MAML2: variants seen among roughly 807,000 people sequenced by gnomAD.
MAML2 encodes the protein mastermind like transcriptional coactivator 2, also known as mastermind-like protein 2.
Under a neutral mutation model 96.1 loss-of-function variants are expected in MAML2, and 22 were observed. That is an observed-to-expected ratio of 0.23 (90% CI 0.16 to 0.33). The LOEUF is 0.33. MAML2 is among the 10% of genes least tolerant of loss of function. The pLI is 1.00. For synonymous variants in MAML2, 561 were observed against 521.3 expected, an observed-to-expected ratio of 1.08 and a Z score of -1.04; for missense variants, 1,367 against 1,392.4, an observed-to-expected ratio of 0.98 and a Z score of 0.29.
intron 1 of MAML2, among the ~76,000 whole-genome samples, chr11:96,131,049 A>C (rs954335553): frequency 2.0e-5 from 3 of 152,196 alleles, no homozygotes; most frequent in Non-Finnish European, 4.4e-5. Context: ...GAGAGTAATC[A>C]CAACTACCAG....
In MAML2 at chr11:96,142,830, A is replaced by C. The variant is rs77937208; in HGVS notation, c.514-49313T>G. 2.6e-3 allele frequency among the ~76,000 whole-genome samples: 398 copies of C among 152,346 alleles called. 9 individuals carry two copies. In the East Asian group the frequency reaches 0.061, roughly 23 times the overall value. On this transcript the variant is annotated intron_variant, in intron 1 of 4. Transcript: ENST00000524717. The stretch of plus-strand genomic sequence containing the variant: ...CTGGTCAGAGCAGCCTCAAAATAAT[A>C]GGTTTCAGAATAAGAAAACAACTAT...
chr11:96,227,903 A>G lies in MAML2; in HGVS notation c.513+113480T>C, dbSNP rs560998215. On this transcript the variant is annotated intron_variant, in intron 1 of 4. Transcript: ENST00000524717. ...GATCGCTTCAGCCCAGAAGTTTGAG[A>G]CCGGCCTGGCCAACAAAGTGAGACC... Among the ~76,000 whole-genome samples the G allele has an allele frequency of 2.6e-5, 4 of 152,340 alleles. No homozygotes were observed. In the South Asian group the frequency reaches 8.3e-4, roughly 32 times the overall value.
At chr11:96,107,082 C>A (rs1290710030) in intron 1 of MAML2, among the ~76,000 whole-genome samples, 1 of 144,850 alleles carries the variant, frequency 6.9e-6, no homozygotes, top group Non-Finnish European at 1.5e-5. Context: ...ATTATTTGTG[C>A]CCCTGAAAGC....
At chr11:96,258,572 A>C (rs1417491652) in intron 1 of MAML2, among the ~76,000 whole-genome samples, 1 of 152,190 alleles carries the variant, frequency 6.6e-6, no homozygotes. Context: ...ACATTCACCC[A>C]CTGGACAATG....
At chr11:96,110,674 A>G (rs1353711449) in intron 1 of MAML2, among the ~76,000 whole-genome samples, 2 of 142,736 alleles carry the variant, frequency 1.4e-5, no homozygotes, top group African/African-American at 2.6e-5. Flanking sequence ...TTTATTTCCA[A>G]ATAAATATAC....
chr11:96,260,109 C>T (rs1271733769), intron 1 of MAML2, among the ~76,000 whole-genome samples: 1 of 151,946 alleles, frequency 6.6e-6, no homozygotes, highest in African/African-American at 2.4e-5. Context: ...CCAGTCAGTT[C>T]CAGGACTTCC....
chr11:96,110,731 A>T (rs1860105242), intron 1 of MAML2, among the ~76,000 whole-genome samples: 1 of 152,226 alleles, frequency 6.6e-6, no homozygotes, highest in African/African-American at 2.4e-5. Flanking sequence ...AAAATACTCC[A>T]TGGGAGACTT....
intron 1 of MAML2, among the ~76,000 whole-genome samples, chr11:96,246,715 C>T (rs1862516763): frequency 6.6e-6 from 1 of 152,102 alleles, no homozygotes; most frequent in Admixed American, 6.6e-5. Context: ...ACAGTAGAGA[C>T]AGTTCAGGCT....
intron 1 of MAML2, among the ~76,000 whole-genome samples, chr11:96,217,629 T>C (rs1167167973): frequency 6.6e-6 from 1 of 152,230 alleles, no homozygotes; most frequent in African/African-American, 2.4e-5. Context: ...ACAGAGAAGC[T>C]TGTAGGAGTA....
chr11:96,273,984 C>G (rs997807025), intron 1 of MAML2, among the ~76,000 whole-genome samples: 1 of 151,820 alleles, frequency 6.6e-6, no homozygotes, highest in African/African-American at 2.4e-5. Context: ...TAGTATCATC[C>G]TGTTATCCTG....
chr11:96,181,568 T>G (rs1861487064), intron 1 of MAML2, among the ~76,000 whole-genome samples: 1 of 152,122 alleles, frequency 6.6e-6, no homozygotes, highest in Non-Finnish European at 1.5e-5. Context: ...CCTTCAAGTC[T>G]TTACAACGTT....
intron 1 of MAML2, among the ~76,000 whole-genome samples, chr11:96,183,792 C>T (rs188830338): frequency 1.3e-5 from 2 of 152,322 alleles, no homozygotes; most frequent in Non-Finnish European, 2.9e-5. Context: ...GTTCCACATA[C>T]TCCCAACTTT....
At chr11:96,194,499 T>G (rs573051453) in intron 1 of MAML2, among the ~76,000 whole-genome samples, 8 of 152,336 alleles carry the variant, frequency 5.3e-5, no homozygotes, top group Middle Eastern at 3.4e-3. Context: ...GCCTCCTTTA[T>G]GCAAAACAGT....
intron 1 of MAML2, among the ~76,000 whole-genome samples, chr11:96,308,261 T>C (rs1863493147): frequency 6.6e-6 from 1 of 152,146 alleles, no homozygotes; most frequent in Non-Finnish European, 1.5e-5. Flanking sequence ...GATATTTCAA[T>C]GCTATCCTAA....
chr11:96,070,392 G>A (rs1451146390), intron 2 of MAML2, among the ~76,000 whole-genome samples: 1 of 152,212 alleles, frequency 6.6e-6, no homozygotes, highest in African/African-American at 2.4e-5. Context: ...GGAGAGAAGA[G>A]CTGCAGCCCC....
chr11:96,122,509 T>G (rs1407607251), intron 1 of MAML2, among the ~76,000 whole-genome samples: 25 of 151,056 alleles, frequency 1.7e-4, no homozygotes, highest in South Asian at 6.3e-4. Context: ...TGTGTGTGTG[T>G]GTGTGTGTGT....
chr11:95,978,919 G>T lies in MAML2; in HGVS notation c.*29C>A. The T allele has an allele frequency of 6.4e-7, 1 of 1,570,504 alleles. No homozygotes were observed. Among genetic ancestry groups the T allele is most frequent in the South Asian group, 1.2e-5 (1 of 82,560 alleles). ...GTAATATACTGCCTTTTAGTGCTTG[G>T]AGTTTGTAAATTGTCTTCCCTTTCT... On this transcript the variant is annotated 3_prime_UTR_variant, in exon 5 of 5. Transcript: ENST00000524717.
intron 2 of MAML2, among the ~76,000 whole-genome samples, chr11:96,005,333 A>C (rs145391096): frequency 6.6e-6 from 1 of 152,124 alleles, no homozygotes; most frequent in Non-Finnish European, 1.5e-5. Context: ...AAATCTTTTA[A>C]ATTTTCAGTC....
At chr11:96,248,921 CTGTT>C (rs1447868366) in intron 1 of MAML2, among the ~76,000 whole-genome samples, 2 of 152,208 alleles carry the variant, frequency 1.3e-5, no homozygotes, top group Non-Finnish European at 2.9e-5. Context: ...GGTTGTTAAA[CTGTT>C]TGTAGCTGGA....
Sources: gnomAD v4.1 joint callset for allele counts (sites outside exome capture counted in the v4.1 genomes callset) on GRCh38, gnomAD v4.1.1 for gene constraint, MANE v1.5 for transcripts, NCBI Gene and HGNC (gene_info 2026-07-23, HGNC 2026-07-21) for gene names.